The following EYA1 variants were observed in gnomAD, a reference collection of about 807,000 sequenced individuals.
The protein encoded by EYA1 is protein phosphatase EYA1.
A neutral mutation model predicts 82.0 loss-of-function variants in EYA1; 16 were observed. The ratio of observed to expected loss-of-function variants is 0.20; its 90% CI spans 0.13 to 0.30. EYA1 has a LOEUF of 0.30. Ranked by LOEUF, EYA1 falls within the 10% of genes least tolerant of loss-of-function variation. EYA1 has a pLI of 1.00. For synonymous variants in EYA1, 261 were observed against 264.4 expected (o/e 0.99, Z 0.12); for missense variants, 633 against 730.7 (o/e 0.87, Z 1.54).
At chr8:71,295,058 T>C (rs1819455245) in intron 9 of EYA1, among the ~76,000 whole-genome samples, 1 of 152,182 alleles carries the variant, frequency 6.6e-6, no homozygotes, top group Admixed American at 6.6e-5. Flanking sequence ...ATCTAGACCC[T>C]GACCTTACAT....
intron 2 of EYA1, among the ~76,000 whole-genome samples, chr8:71,507,373 A>C (rs187487646): frequency 6.6e-6 from 1 of 152,302 alleles, no homozygotes. Flanking sequence ...ATTGAGATAT[A>C]ATTTTTTACC....
At chr8:71,305,814 G>A (rs1820674279) in intron 7 of EYA1, among the ~76,000 whole-genome samples, 2 of 151,782 alleles carry the variant, frequency 1.3e-5, no homozygotes, top group African/African-American at 4.8e-5. Flanking sequence ...TCCTTCCACT[G>A]CTGTCTTTTA....
chr8:71,511,905 T>C (rs1586859639), intron 2 of EYA1, among the ~76,000 whole-genome samples: 1 of 152,100 alleles, frequency 6.6e-6, no homozygotes. Context: ...TCCGTATGGG[T>C]TCCACTTGTC....
chr8:71,337,742 T>G (rs539659142), intron 3 of EYA1, among the ~76,000 whole-genome samples: 1 of 152,354 alleles, frequency 6.6e-6, no homozygotes, highest in Non-Finnish European at 1.5e-5. Context: ...TTCATCATCA[T>G]CATTAAAAGT....
chr8:71,201,946 T>C (rs1003218755), intron 17 of EYA1, among the ~76,000 whole-genome samples: 3 of 152,216 alleles, frequency 2.0e-5, no homozygotes, highest in Non-Finnish European at 4.4e-5. Flanking sequence ...AGTATTTCTA[T>C]TGATCTTAAG....
upstream of EYA1, among the ~76,000 whole-genome samples, chr8:71,365,492 C>G (rs1333508114): frequency 6.6e-6 from 1 of 152,152 alleles, no homozygotes; most frequent in East Asian, 1.9e-4. Context: ...AAGCGAAATC[C>G]CACTCATTAT....
chr8:71,371,928 T>G (rs1828105843), intron 2 of EYA1, among the ~76,000 whole-genome samples: 1 of 151,856 alleles, frequency 6.6e-6, no homozygotes, highest in South Asian at 2.1e-4. Context: ...CAAGAAGAGA[T>G]GGAAAATAGA....
At position 71,254,611 on chromosome 8, in the gene EYA1, G is replaced by A. The variant is rs150253314; in HGVS notation, c.1051-9919C>T. 4.6e-5 allele frequency among the ~76,000 whole-genome samples: 7 copies of A among 152,226 alleles called. 1 individual carries two copies. In the East Asian group the frequency reaches 7.7e-4, roughly 17 times the overall value. On this transcript the variant is annotated intron_variant, in intron 11 of 17. Transcript: ENST00000340726. ...AGCTCATATATGAAAAGCCCACAAC[G>A]AACATCATACTCAATGGTAAATGTC...
At chr8:71,359,933 A>C (rs907626139) in intron 1 of EYA1, among the ~76,000 whole-genome samples, 1 of 152,284 alleles carries the variant, frequency 6.6e-6, no homozygotes, top group East Asian at 1.9e-4. Flanking sequence ...TCTGTGTTTT[A>C]GGGTATATTC....
intron 3 of EYA1, among the ~76,000 whole-genome samples, chr8:71,349,550 T>A (rs1190241479): frequency 6.6e-6 from 1 of 152,102 alleles, no homozygotes; most frequent in East Asian, 1.9e-4. Flanking sequence ...AAGTCTTGGA[T>A]TTTTTTTGTG....
intron 12 of EYA1, among the ~76,000 whole-genome samples, chr8:71,220,000 C>A (rs1809693781): frequency 6.6e-6 from 1 of 152,106 alleles, no homozygotes; most frequent in African/African-American, 2.4e-5. Flanking sequence ...GGGTGCAGGG[C>A]CTGATTTCAG....
chr8:71,265,667 GA>G (rs1815708257), intron 11 of EYA1, among the ~76,000 whole-genome samples: 1 of 152,116 alleles, frequency 6.6e-6, no homozygotes. Flanking sequence ...AACAATAATT[GA>G]ATTACATTGT....
intron 11 of EYA1, among the ~76,000 whole-genome samples, chr8:71,245,858 C>G (rs973736826): frequency 2.6e-5 from 4 of 152,152 alleles, no homozygotes; most frequent in African/African-American, 9.7e-5. Context: ...ACAGCCCATG[C>G]CATACTCAGA....
chr8:71,430,769 G>A (rs934539500), intron 2 of EYA1, among the ~76,000 whole-genome samples: 5 of 152,118 alleles, frequency 3.3e-5, no homozygotes, highest in Middle Eastern at 3.2e-3. Context: ...GGGTAAGAAT[G>A]AAGTTGCTTT....
intron 2 of EYA1, among the ~76,000 whole-genome samples, chr8:71,520,434 A>C (rs963649784): frequency 6.6e-6 from 1 of 152,214 alleles, no homozygotes; most frequent in Non-Finnish European, 1.5e-5. Context: ...CTTCATTGGC[A>C]GTTTGTTTTT....
At chr8:71,205,984 ATTTAT>A (rs1280068839) in intron 17 of EYA1, among the ~76,000 whole-genome samples, 1 of 152,190 alleles carries the variant, frequency 6.6e-6, no homozygotes, top group African/African-American at 2.4e-5. Flanking sequence ...TTTGCTATTA[ATTTAT>A]TTAATAAACT....
chr8:71,290,885 C>T (rs1174640032), intron 9 of EYA1, among the ~76,000 whole-genome samples: 1 of 152,208 alleles, frequency 6.6e-6, no homozygotes, highest in Non-Finnish European at 1.5e-5. Flanking sequence ...GTTTTGTTTT[C>T]TCACATCTTA....
chr8:71,425,810 G>A (rs1805180871), intron 2 of EYA1, among the ~76,000 whole-genome samples: 1 of 152,124 alleles, frequency 6.6e-6, no homozygotes, highest in Admixed American at 6.6e-5. Context: ...CCTGAAAGAG[G>A]GGCAGTATTC....
At chr8:71,345,979 C>T (rs11988983) in intron 3 of EYA1, among the ~76,000 whole-genome samples, 2,351 of 152,232 alleles carry the variant, frequency 0.015, 44 homozygotes, top group African/African-American at 0.053. Context: ...CCTCATCTTA[C>T]ACATACACAC....
Sources: allele counts gnomAD v4.1 joint callset (sites outside exome capture counted in the v4.1 genomes callset), GRCh38; gene constraint gnomAD v4.1.1; transcripts MANE v1.5; gene names NCBI Gene and HGNC (gene_info 2026-07-23, HGNC 2026-07-21).